NEGR1: variants seen among roughly 807,000 people sequenced by gnomAD.
The protein encoded by NEGR1 is IgLON family member 4.
Under a neutral mutation model 40.9 loss-of-function variants are expected in NEGR1, and 10 were observed. That is an observed-to-expected ratio of 0.24 (90% confidence interval 0.15 to 0.42). NEGR1 has a LOEUF of 0.42. Ranked by LOEUF, NEGR1 falls within the 10% of genes least tolerant of loss-of-function variation. NEGR1 has a pLI of 1.00. For synonymous variants in NEGR1, 185 were observed against 166.8 expected, an observed-to-expected ratio of 1.11 and a Z score of -0.84; for missense variants, 352 against 438.9, an observed-to-expected ratio of 0.80 and a Z score of 1.77.
chr1:71,760,570 C>T (rs1176479697), intron 3 of NEGR1, among the ~76,000 whole-genome samples: 1 of 152,146 alleles, frequency 6.6e-6, no homozygotes, highest in Non-Finnish European at 1.5e-5. Flanking sequence ...TTATGTAAAG[C>T]CATTTTGGAA....
At chr1:71,704,401 G>A (rs1483102627) in intron 3 of NEGR1, among the ~76,000 whole-genome samples, 1 of 151,706 alleles carries the variant, frequency 6.6e-6, no homozygotes, top group Non-Finnish European at 1.5e-5. Flanking sequence ...ATCTTAACCA[G>A]ACTAATAAAG....
At chr1:71,681,515 T>A (rs1456591758) in intron 4 of NEGR1, among the ~76,000 whole-genome samples, 1 of 152,164 alleles carries the variant, frequency 6.6e-6, no homozygotes. Flanking sequence ...TATTTTAAGG[T>A]GTTTTGACAT....
At chr1:71,560,465 A>ATATATATAT (rs1648418298) in intron 6 of NEGR1, among the ~76,000 whole-genome samples, 1 of 144,832 alleles carries the variant, frequency 6.9e-6, no homozygotes, top group African/African-American at 2.5e-5. Context: ...ATATATTTCC[A>ATATATATAT]ATTAACCATC....
At chr1:72,030,232 TCA>T (rs374911562) in intron 1 of NEGR1, among the ~76,000 whole-genome samples, 78 of 151,922 alleles carry the variant, frequency 5.1e-4, no homozygotes, top group African/African-American at 1.8e-3. Flanking sequence ...TCTTGCTCTG[TCA>T]CCCAAGCTGC....
chr1:72,147,642 C>T (rs1181802641), intron 1 of NEGR1, among the ~76,000 whole-genome samples: 2 of 152,132 alleles, frequency 1.3e-5, no homozygotes, highest in African/African-American at 4.8e-5. Flanking sequence ...TAAATGTCCA[C>T]AGTCCAAAGT....
At chr1:72,092,408 G>A (rs1392764759) in intron 1 of NEGR1, among the ~76,000 whole-genome samples, 1 of 152,068 alleles carries the variant, frequency 6.6e-6, no homozygotes, top group East Asian at 1.9e-4. Context: ...GAGGCATTTG[G>A]GGAAAATTTC....
chr1:71,642,269 C>T (rs1651378901), intron 4 of NEGR1, among the ~76,000 whole-genome samples: 1 of 151,144 alleles, frequency 6.6e-6, no homozygotes, highest in African/African-American at 2.4e-5. Flanking sequence ...GTGCTTAAGC[C>T]AATGTTAAAA....
chr1:71,769,822 CA>C lies in NEGR1; in HGVS notation c.535+6349del, dbSNP rs1389927235. Among the ~76,000 whole-genome samples the C allele has an allele frequency of 2.0e-5, 3 of 152,254 alleles. No individual in the cohort carries two copies. In the East Asian group the frequency reaches 5.8e-4, roughly 29 times the overall value. On this transcript the variant is annotated intron_variant, in intron 3 of 6. Coordinates refer to ENST00000357731, the MANE Select transcript of NEGR1 (RefSeq NM_173808.3). ...TAAACACATTTCAAAAGTATATTAACAGCTAAGAATATGAAATGTTTATAAG... is the reference window on the plus strand; with the variant it reads ...TAAACACATTTCAAAAGTATATTAACGCTAAGAATATGAAATGTTTATAAG...
At chr1:71,757,689 G>A (rs1258471356) in intron 3 of NEGR1, among the ~76,000 whole-genome samples, 2 of 151,940 alleles carry the variant, frequency 1.3e-5, no homozygotes, top group African/African-American at 4.8e-5. Flanking sequence ...TATGAAATCT[G>A]AATAAGTAAA....
intron 1 of NEGR1, among the ~76,000 whole-genome samples, chr1:72,010,209 C>T (rs1646644009): frequency 6.6e-6 from 1 of 151,930 alleles, no homozygotes; most frequent in East Asian, 1.9e-4. Context: ...CAAGTGAAAG[C>T]ATGGCTTTAC....
At chr1:72,086,452 A>G (rs928847383) in intron 1 of NEGR1, among the ~76,000 whole-genome samples, 1 of 152,240 alleles carries the variant, frequency 6.6e-6, no homozygotes, top group Non-Finnish European at 1.5e-5. Flanking sequence ...GAACAAAAGA[A>G]AAAGGTAAAG....
At chr1:72,170,740 T>C (rs1327468693) in intron 1 of NEGR1, among the ~76,000 whole-genome samples, 1 of 152,218 alleles carries the variant, frequency 6.6e-6, no homozygotes, top group Admixed American at 6.5e-5. Flanking sequence ...ACATTTCTTC[T>C]GTGGTCCTTG....
chr1:72,235,709 T>G (rs1654522870), intron 1 of NEGR1, among the ~76,000 whole-genome samples: 1 of 152,050 alleles, frequency 6.6e-6, no homozygotes, highest in African/African-American at 2.4e-5. Flanking sequence ...TGTCCACTAC[T>G]AATTTTATTG....
In NEGR1 at chr1:71,898,387, G is replaced by C. The variant is rs528753847; in HGVS notation, c.409+36692C>G. ...TCCCAGCACTTTGGGAGGCTGAGGCGGGCAGATCACGAGGTCAGGAGATCG... is the reference window on the plus strand; with the variant it reads ...TCCCAGCACTTTGGGAGGCTGAGGCCGGCAGATCACGAGGTCAGGAGATCG... On this transcript the variant is annotated intron_variant, in intron 2 of 6. Transcript: ENST00000357731. Among the ~76,000 whole-genome samples, 11 of 152,216 alleles carry C rather than the reference G, an allele frequency of 7.2e-5. No individual in the cohort carries two copies. In the South Asian group the frequency reaches 2.3e-3, roughly 32 times the overall value.
intron 3 of NEGR1, among the ~76,000 whole-genome samples, chr1:71,733,072 C>CTTTT (rs1157020972): frequency 2.1e-5 from 3 of 140,472 alleles, no homozygotes; most frequent in African/African-American, 5.2e-5. Context: ...CAGGATAGCT[C>CTTTT]TTTTTTTTTT....
chr1:71,561,737 T>C (rs1367791383), intron 6 of NEGR1, among the ~76,000 whole-genome samples: 4 of 151,648 alleles, frequency 2.6e-5, no homozygotes, highest in African/African-American at 9.7e-5. Context: ...TGGCCAGATA[T>C]GTTGAGTTCC....
chr1:71,600,623 T>C (rs1211433745), intron 5 of NEGR1, among the ~76,000 whole-genome samples: 1 of 152,112 alleles, frequency 6.6e-6, no homozygotes, highest in Non-Finnish European at 1.5e-5. Flanking sequence ...TATCAAAGTC[T>C]GGGAATGGAA....
intron 6 of NEGR1, among the ~76,000 whole-genome samples, chr1:71,497,991 C>G (rs1396952322): frequency 6.6e-6 from 1 of 152,016 alleles, no homozygotes; most frequent in African/African-American, 2.4e-5. Context: ...AACTTAGGAG[C>G]TGATAGCTTC....
intron 1 of NEGR1, among the ~76,000 whole-genome samples, chr1:71,958,111 TAAAGG>T (rs1463053626): frequency 1.3e-5 from 2 of 152,204 alleles, no homozygotes. Flanking sequence ...GTGTAGGTCA[TAAAGG>T]ACCTTTTCAA....
Sources: gnomAD v4.1 joint callset for allele counts (sites outside exome capture counted in the v4.1 genomes callset) on GRCh38, gnomAD v4.1.1 for gene constraint, MANE v1.5 for transcripts, NCBI Gene and HGNC (gene_info 2026-07-23, HGNC 2026-07-21) for gene names.